The following IL15 variants were observed in gnomAD, a reference collection of about 807,000 sequenced individuals.
IL15 encodes interleukin 15.
IL15 carries 11 observed loss-of-function variants against 19.6 expected under a neutral mutation model. The ratio of observed to expected loss-of-function variants is 0.56; its 90% confidence interval spans 0.35 to 0.93. The LOEUF is 0.93. IL15 is among the 40% of genes least tolerant of loss of function. The pLI is 0.01. For missense variants in IL15, 197 were observed against 186.5 expected (o/e 1.06, Z -0.33); for synonymous variants, 58 against 59.6 (o/e 0.97, Z 0.12).
intron 2 of IL15, among the ~76,000 whole-genome samples, chr4:141,693,602 TA>T (rs1728998626): frequency 1.3e-5 from 2 of 152,254 alleles, no homozygotes; most frequent in Admixed American, 1.3e-4. Flanking sequence ...TTAATGAATT[TA>T]TGATTTATTT....
chr4:141,647,513 A>G (rs1265222875), intron 1 of IL15, among the ~76,000 whole-genome samples: 1 of 152,032 alleles, frequency 6.6e-6, no homozygotes, highest in Non-Finnish European at 1.5e-5. Context: ...GTATATATAG[A>G]TGGCTTAGGG....
At chr4:141,668,999 A>G (rs1049565005) in intron 2 of IL15, among the ~76,000 whole-genome samples, 7 of 152,176 alleles carry the variant, frequency 4.6e-5, no homozygotes, top group African/African-American at 1.7e-4. Flanking sequence ...TTTTTTCCTC[A>G]GATTTGTCAT....
chr4:141,637,161 C>T (rs1238141518), intron 1 of IL15: 1 of 152,218 alleles, frequency 6.6e-6, no homozygotes, highest in Non-Finnish European at 1.5e-5. Context: ...TCTGAGAAGA[C>T]GCTGTCCCGC....
intron 2 of IL15, among the ~76,000 whole-genome samples, chr4:141,683,575 A>G (rs1046521197): frequency 6.6e-6 from 1 of 151,674 alleles, no homozygotes; most frequent in East Asian, 1.9e-4. Context: ...CGTCTCTAAA[A>G]AAAAAAAAAA....
chr4:141,711,328 G>A (rs1226783603), intron 2 of IL15, among the ~76,000 whole-genome samples: 5 of 152,062 alleles, frequency 3.3e-5, no homozygotes, highest in South Asian at 2.1e-4. Context: ...TGAAATTGGC[G>A]AGATGAATGT....
At chr4:141,663,217 AAAGACAACTCAATAAAATAAGAGTT>A (rs1184903321) in intron 2 of IL15, among the ~76,000 whole-genome samples, 1 of 152,230 alleles carries the variant, frequency 6.6e-6, no homozygotes, top group African/African-American at 2.4e-5. Flanking sequence ...TATTTTTTAA[AAAGACAACTCAATAAAATAAGAGTT>A]AAAACATTTT....
chr4:141,676,708 C>T (rs898300808), intron 2 of IL15, among the ~76,000 whole-genome samples: 15 of 150,596 alleles, frequency 1.0e-4, no homozygotes, highest in African/African-American at 2.7e-4. Context: ...AGATGTTGTG[C>T]GTGACTTCAC....
chr4:141,639,758 GT>G (rs1472160150), intron 1 of IL15, among the ~76,000 whole-genome samples: 1 of 152,156 alleles, frequency 6.6e-6, no homozygotes, highest in African/African-American at 2.4e-5. Flanking sequence ...TTACTTACCC[GT>G]TGATTACAGT....
intron 2 of IL15, among the ~76,000 whole-genome samples, chr4:141,696,698 G>A (rs182297893): frequency 2.9e-4 from 44 of 152,054 alleles, no homozygotes; most frequent in Admixed American, 7.2e-4. Flanking sequence ...ACAATGATAA[G>A]TTCATTAGTA....
At chr4:141,714,541 G>C (rs887486270) in intron 2 of IL15, 6 of 152,202 alleles carry the variant, frequency 3.9e-5, no homozygotes, top group Non-Finnish European at 8.8e-5. Flanking sequence ...TCCCAGGCAG[G>C]CTTCTGCCTC....
rs1727129384 is a variant in IL15, at chr4:141,643,747, T to A, written c.-222+6999T>A. 5.9e-5 allele frequency among the ~76,000 whole-genome samples: 9 copies of A among 152,070 alleles called. No individual in the cohort carries two copies. In the South Asian group the frequency reaches 1.9e-3, roughly 32 times the overall value. ...CTATCTGTACTCTCTGTCTTGGTGA[T>A]CTCATCTAGTGTCATGGTTTTTAAT... On this transcript the variant is annotated intron_variant, in intron 1 of 7. Coordinates refer to ENST00000320650, the MANE Select transcript of IL15 (RefSeq NM_000585.5).
chr4:141,714,809 C>G (rs1729821974), intron 2 of IL15: 1 of 152,128 alleles, frequency 6.6e-6, no homozygotes, highest in Admixed American at 6.5e-5. Context: ...CTAATTAATA[C>G]TGAAGTATCC....
At chr4:141,727,338 G>A (rs1313398102) in intron 5 of IL15, among the ~76,000 whole-genome samples, 1 of 150,804 alleles carries the variant, frequency 6.6e-6, no homozygotes, top group Non-Finnish European at 1.5e-5. Context: ...AACCTAAATG[G>A]CTCATAAAAA....
At chr4:141,732,644 C>A (rs1730487199) in intron 7 of IL15, 94 bp from the exon 8 acceptor site, 6 of 1,496,686 alleles carry the variant, frequency 4.0e-6, no homozygotes, top group Admixed American at 2.3e-5. Flanking sequence ...AAGACCTCAC[C>A]ATATGGTTCA....
At chr4:141,665,177 T>G (rs1468983381) in intron 2 of IL15, among the ~76,000 whole-genome samples, 1 of 152,116 alleles carries the variant, frequency 6.6e-6, no homozygotes, top group Non-Finnish European at 1.5e-5. Flanking sequence ...TTAGAGAAAT[T>G]AATAATTCTT....
At chr4:141,649,204 T>C (rs1727326694) in intron 1 of IL15, among the ~76,000 whole-genome samples, 1 of 152,070 alleles carries the variant, frequency 6.6e-6, no homozygotes. Context: ...GATAATGCCT[T>C]CTCTGGGAAT....
intron 2 of IL15, among the ~76,000 whole-genome samples, chr4:141,682,306 A>G (rs970191383): frequency 2.0e-5 from 3 of 152,218 alleles, no homozygotes; most frequent in Admixed American, 6.5e-5. Flanking sequence ...TTGAAAGAAA[A>G]TTTGAATAGT....
intron 2 of IL15, among the ~76,000 whole-genome samples, chr4:141,667,596 T>A (rs1319562593): frequency 6.6e-6 from 1 of 152,106 alleles, no homozygotes; most frequent in Non-Finnish European, 1.5e-5. Context: ...TTTAAAAAAA[T>A]AAAAATGTGA....
intron 2 of IL15, among the ~76,000 whole-genome samples, chr4:141,680,202 T>C (rs1194581726): frequency 6.6e-6 from 1 of 152,216 alleles, no homozygotes; most frequent in Non-Finnish European, 1.5e-5. Context: ...ATAGGGAAAC[T>C]ACCGATTCCA....
Sources: allele counts gnomAD v4.1 joint callset (sites outside exome capture counted in the v4.1 genomes callset), GRCh38; gene constraint gnomAD v4.1.1; transcripts MANE v1.5; gene names NCBI Gene and HGNC (gene_info 2026-07-23, HGNC 2026-07-21).